The following MACF1 variants were observed in gnomAD, a reference collection of about 807,000 sequenced individuals.
MACF1 encodes the protein microtubule actin crosslinking factor 1.
Under a neutral mutation model 854.8 loss-of-function variants are expected in MACF1, and 193 were observed. That is an observed-to-expected ratio of 0.23 (90% CI 0.20 to 0.25). The LOEUF (loss-of-function observed/expected upper bound fraction) is 0.25, where lower values mean the gene tolerates loss of function less well. Among genes scored for constraint, MACF1 ranks in the 10% least tolerant of loss-of-function variants. The pLI is 1.00. For synonymous variants in MACF1, 3,185 were observed against 3,226.7 expected (o/e 0.99, Z 0.44); for missense variants, 7,722 against 8,929.1 (o/e 0.86, Z 5.45).
At chr1:39,465,359 A>G (rs1200339818) in intron 95 of MACF1, among the ~76,000 whole-genome samples, 4 of 152,216 alleles carry the variant, frequency 2.6e-5, no homozygotes, top group African/African-American at 7.2e-5. Context: ...GTATCAGTCC[A>G]TTACACTTCT....
intron 72 of MACF1, 51 bp downstream of exon 72, chr1:39,439,551 G>A (rs1339340119): frequency 1.4e-6 from 2 of 1,443,330 alleles, no homozygotes; most frequent in African/African-American, 1.4e-5. Context: ...TCTAGAAAAA[G>A]CACTTTATCA....
At chr1:39,421,380 CT>C (rs1643531540) in intron 58 of MACF1, among the ~76,000 whole-genome samples, 1 of 152,164 alleles carries the variant, frequency 6.6e-6, no homozygotes, top group South Asian at 2.1e-4. Context: ...AAATCTGTAT[CT>C]TACTCAGAGT....
In MACF1 at chr1:39,388,230, G is replaced by A; in HGVS notation, c.15388G>A (p.Glu5130Lys). ...GIGQFHCRVR[E>K]MFSQLADLDD... ...TGGCCAGTTTCACTGCCGGGTCCGA[G>A]AGATGTTCTCTCAATTGGCAGACCT... The change falls in exon 58 of 101, where the codon GAG becomes AAG. Residue 5130 changes from glutamate to lysine, a missense_variant. Transcript: ENST00000564288. 1 of 1,614,204 alleles carries A rather than the reference G, an allele frequency of 6.2e-7. No individual in the cohort carries two copies. The highest frequency in any genetic ancestry group is 8.5e-7 in the Non-Finnish European group (1 of 1,180,034).
rs113586653 is a variant in MACF1, at chr1:39,297,796, A to T, written c.2481+51A>T. The T allele has an allele frequency of 3.8e-6, 6 of 1,598,376 alleles. No homozygotes were observed. In the East Asian group the frequency reaches 1.3e-4, roughly 36 times the overall value. On this transcript the variant is annotated intron_variant, in intron 21 of 100. Coordinates refer to ENST00000564288, the MANE Select transcript of MACF1 (RefSeq NM_001394062.1). ...TTACTTCTGAGAAAGAGAGTAAACC[A>T]TATCAGCTGCTGCTGTTTATATCCT...
intron 97 of MACF1, among the ~76,000 whole-genome samples, chr1:39,477,129 T>TACACACAC (rs1271205887): frequency 0.038 from 1,162 of 30,278 alleles, 76 homozygotes; most frequent in Admixed American, 0.06. Flanking sequence ...TATATATATA[T>TACACACAC]ATATATACAC....
At position 39,461,879 on chromosome 1, in the gene MACF1, C is replaced by G; in HGVS notation, c.21524-4C>G. Reference sequence around the variant, plus strand: ...TGTTTCAAAATATGATTCCTTTTCTCCAGAGTTCCCCACCACCAAGTTAGA... The same window carrying G: ...TGTTTCAAAATATGATTCCTTTTCTGCAGAGTTCCCCACCACCAAGTTAGA... On this transcript the variant is annotated splice_polypyrimidine_tract_variant and splice_region_variant and intron_variant, in intron 92 of 100. Coordinates refer to ENST00000564288, the MANE Select transcript of MACF1 (RefSeq NM_001394062.1). 6.2e-7 allele frequency: 1 copy of G among 1,610,820 alleles called. No individual in the cohort carries two copies. Among genetic ancestry groups the G allele is most frequent in the Non-Finnish European group, 8.5e-7 (1 of 1,178,448 alleles).
At chr1:39,258,149 G>A in intron 6 of MACF1, 121 bp downstream of exon 6, 2 of 810,656 alleles carry the variant, frequency 2.5e-6, no homozygotes, top group Non-Finnish European at 4.2e-6. Context: ...AACAAAGGTG[G>A]ATGGGAGTTG....
In MACF1 at chr1:39,347,182, A is replaced by G; in HGVS notation, c.10787A>G (p.Gln3596Arg). ...AQVDALQGHL[Q>R]QMEQEALVKT... ...GTGGATGCCTTGCAGGGCCATCTTC[A>G]ACAAATGGAGCAGGAAGCCCTGGTG... Residue 3596 changes from glutamine to arginine, a missense_variant, in exon 41 of 101, where the codon CAA becomes CGA. Gln to Arg is a conservative substitution (Grantham distance 43). This residue lies in a region of MACF1 where 854 missense variants were observed against 852.6 expected (regional missense o/e 1.00). Transcript: ENST00000564288. 1 of 1,613,912 alleles carries G rather than the reference A, an allele frequency of 6.2e-7. No individual in the cohort carries two copies. The highest frequency in any genetic ancestry group is 1.3e-5 in the African/African-American group (1 of 75,064).
At chr1:39,091,565 G>A (rs1055315850) in intron 2 of MACF1, among the ~76,000 whole-genome samples, 2 of 152,120 alleles carry the variant, frequency 1.3e-5, no homozygotes, top group South Asian at 2.1e-4. Context: ...GCACGATCTC[G>A]GCTTACTGCA....
chr1:39,226,980 A>G (rs1018017837), intron 1 of MACF1, among the ~76,000 whole-genome samples: 8 of 152,208 alleles, frequency 5.3e-5, no homozygotes, highest in Non-Finnish European at 7.3e-5. Flanking sequence ...AATGTAATGG[A>G]CACAACTTTA....
intron 2 of MACF1, among the ~76,000 whole-genome samples, chr1:39,116,496 A>G (rs1307732247): frequency 6.6e-6 from 1 of 152,124 alleles, no homozygotes; most frequent in Non-Finnish European, 1.5e-5. Context: ...AGACAGGTAG[A>G]TTGATCTAGG....
At position 39,304,328 on chromosome 1, in the gene MACF1, C is replaced by T. The variant is rs555421907; in HGVS notation, c.2789+1250C>T. The T allele has an allele frequency of 4.1e-6, 3 of 738,062 alleles. No homozygotes were observed. In the East Asian group the frequency reaches 8.8e-5, roughly 22 times the overall value. The allele number at this position is 738,062 out of a possible 1,614,324, so 45.7% of individuals were successfully genotyped here. On this transcript the variant is annotated intron_variant, in intron 23 of 100. Transcript: ENST00000564288. ...GTGCTTTCCAAGAATGTCACCGTCT[C>T]TAAATAGGAAATAATCCTTGTCATC...
intron 2 of MACF1, among the ~76,000 whole-genome samples, chr1:39,116,013 T>C (rs1193991678): frequency 6.6e-6 from 1 of 152,146 alleles, no homozygotes; most frequent in African/African-American, 2.4e-5. Flanking sequence ...CCTTTGGAAC[T>C]TGGACTTTGA....
rs369843705 is a variant in MACF1 at position 39,084,270 on chromosome 1, C to T, written c.52C>T (p.Arg18Trp). ...CAGTGAGCGGTCATGTCGGAGTGAG[C>T]GGTCTTGTCGGAGTGAGCGATCTTA... The change falls in exon 2 of 94, where the codon CGG (arginine) becomes TGG (tryptophan). Residue 18 changes from arginine to tryptophan, a missense_variant. Physicochemically the swap from Arg to Trp is moderately radical, Grantham distance 101. Transcript: ENST00000361689. The surrounding 1 kb of genome is among the most constrained non-coding windows in gnomAD (Gnocchi z 5.2). 1.4e-4 allele frequency: 224 copies of T among 1,613,548 alleles called. No homozygotes were observed. The highest frequency in any genetic ancestry group is 1.8e-4 in the Non-Finnish European group (208 of 1,179,882).
chr1:39,484,142 G>A (rs1478072720), intron 99 of MACF1, among the ~76,000 whole-genome samples: 1 of 152,204 alleles, frequency 6.6e-6, no homozygotes, highest in East Asian at 1.9e-4. Context: ...GACAGAGCGA[G>A]ACTCCGTCTC....
intron 58 of MACF1, among the ~76,000 whole-genome samples, chr1:39,404,774 T>A (rs573750802): frequency 2.0e-5 from 3 of 152,316 alleles, no homozygotes; most frequent in African/African-American, 7.2e-5. Flanking sequence ...TGTGAGCCAT[T>A]GAGCCCAGCC....
At chr1:39,417,253 A>G (rs1643350122) in intron 58 of MACF1, among the ~76,000 whole-genome samples, 1 of 152,218 alleles carries the variant, frequency 6.6e-6, no homozygotes, top group South Asian at 2.1e-4. Context: ...CTGTAATGGG[A>G]TCTGAGGCCT....
At chr1:39,320,128 C>T (rs575822097) in intron 31 of MACF1, among the ~76,000 whole-genome samples, 1 of 152,188 alleles carries the variant, frequency 6.6e-6, no homozygotes, top group Non-Finnish European at 1.5e-5. Context: ...AAACTGTTCT[C>T]TTTGCCTTAA....
chr1:39,156,545 G>A (rs1371824977), intron 2 of MACF1, among the ~76,000 whole-genome samples: 3 of 152,152 alleles, frequency 2.0e-5, no homozygotes, highest in South Asian at 2.1e-4. Flanking sequence ...CTTGAGCCTG[G>A]GAGGTCAAGG....
Sources: allele counts gnomAD v4.1 joint callset (sites outside exome capture counted in the v4.1 genomes callset), GRCh38; gene constraint gnomAD v4.1.1; regional missense constraint gnomAD v4.1.1; non-coding constraint Gnocchi (gnomAD v3.1); transcripts MANE v1.5; gene names NCBI Gene and HGNC (gene_info 2026-07-23, HGNC 2026-07-21).